The following B4GALT5 variants were observed in gnomAD, a reference collection of about 807,000 sequenced individuals.
The protein encoded by B4GALT5 is beta-1,4-galactosyltransferase 5.
In B4GALT5, 11 loss-of-function variants were observed where a neutral mutation model predicts 45.0. That is an observed-to-expected ratio of 0.24 (90% CI 0.15 to 0.40). B4GALT5 has a LOEUF of 0.40. B4GALT5 is among the 10% of genes least tolerant of loss of function. B4GALT5 has a pLI of 1.00. For missense variants in B4GALT5, 337 were observed against 500.2 expected, an observed-to-expected ratio of 0.67 and a Z score of 3.11; for synonymous variants, 185 against 182.9, an observed-to-expected ratio of 1.01 and a Z score of -0.09.
At chr20:49,637,494 A>AGCT in intron 7 of B4GALT5, 52 bp from the exon 8 acceptor site, 1 of 1,352,498 alleles carries the variant, frequency 7.4e-7, no homozygotes, top group Non-Finnish European at 1.1e-6. Context: ...ATAGCCCAGG[A>AGCT]GTGACCAAAG....
chr20:49,663,502 G>A (rs2085673589), intron 1 of B4GALT5, among the ~76,000 whole-genome samples: 1 of 150,438 alleles, frequency 6.6e-6, no homozygotes. Context: ...GGGTAGGACT[G>A]AGGCCTGAGT....
intron 7 of B4GALT5, among the ~76,000 whole-genome samples, chr20:49,638,127 T>A (rs2085561665): frequency 6.6e-6 from 1 of 151,644 alleles, no homozygotes; most frequent in African/African-American, 2.4e-5. Context: ...CAATTAGTCC[T>A]CCCATCTCAG....
chr20:49,642,433 A>T lies in B4GALT5; in HGVS notation c.606+35T>A. 3 of 1,494,968 alleles carry T rather than the reference A, an allele frequency of 2.0e-6. No individual in the cohort carries two copies. In the South Asian group the frequency reaches 3.5e-5, roughly 17 times the overall value. 92.6% of individuals were successfully genotyped at this position (1,494,968 alleles called of 1,614,324 possible). A position where few individuals can be genotyped will look rare whatever the true frequency, so the allele number is the denominator to read the frequency against. The stretch of plus-strand genomic sequence containing the variant: ...CAGCAACCTAAACTGCTGTCTCAGA[A>T]GAGAAAAAAGAAAGGAAAAGAAAGG... On this transcript the variant is annotated intron_variant, in intron 5 of 8. Coordinates refer to ENST00000371711, the MANE Select transcript of B4GALT5 (RefSeq NM_004776.4).
intron 1 of B4GALT5, among the ~76,000 whole-genome samples, chr20:49,674,518 G>C (rs2085729555): frequency 6.6e-6 from 1 of 151,894 alleles, no homozygotes; most frequent in African/African-American, 2.4e-5. Context: ...AAAATCCCAG[G>C]AATTAGTAAC....
intron 1 of B4GALT5, 29 bp from the exon 2 acceptor site, chr20:49,656,731 G>T (rs761639888): frequency 6.2e-7 from 1 of 1,613,688 alleles, no homozygotes; most frequent in Non-Finnish European, 8.5e-7. Context: ...GGAAAAAGAG[G>T]TGGATTCAGA....
intron 2 of B4GALT5, among the ~76,000 whole-genome samples, chr20:49,647,501 C>T (rs975586761): frequency 1.3e-5 from 2 of 152,112 alleles, no homozygotes; most frequent in Admixed American, 6.6e-5. Flanking sequence ...TCTTACCTAC[C>T]GACCTCCCAC....
chr20:49,681,517 C>T (rs910740307), intron 1 of B4GALT5, among the ~76,000 whole-genome samples: 19 of 152,174 alleles, frequency 1.2e-4, no homozygotes, highest in African/African-American at 4.1e-4. Context: ...TTGCTGGACA[C>T]TCCCAAATCC....
At chr20:49,697,015 C>T (rs997434752) in intron 1 of B4GALT5, among the ~76,000 whole-genome samples, 2 of 152,166 alleles carry the variant, frequency 1.3e-5, no homozygotes, top group Non-Finnish European at 2.9e-5. Context: ...AAAATTAGAT[C>T]GATGTTGTTT....
At chr20:49,665,440 GTAA>G (rs71339446) in intron 1 of B4GALT5, among the ~76,000 whole-genome samples, 29,724 of 94,342 alleles carry the variant, frequency 0.32, 5,251 homozygotes, top group Middle Eastern at 0.38. Context: ...GGGGGTAGTA[GTAA>G]TAATAATAAT....
At chr20:49,639,509 G>GT (rs1401830656) in intron 7 of B4GALT5, among the ~76,000 whole-genome samples, 169 bp downstream of exon 7, 2 of 152,074 alleles carry the variant, frequency 1.3e-5, no homozygotes, top group African/African-American at 2.4e-5. Flanking sequence ...GATTACAGGT[G>GT]TGAGCCATCA....
intron 1 of B4GALT5, among the ~76,000 whole-genome samples, chr20:49,688,841 G>A (rs1016232059): frequency 4.6e-5 from 7 of 151,540 alleles, no homozygotes; most frequent in Admixed American, 2.6e-4. Flanking sequence ...GGAGGCTGAG[G>A]CAGGAGAATT....
At chr20:49,664,275 G>A (rs2085679325) in intron 1 of B4GALT5, among the ~76,000 whole-genome samples, 1 of 152,098 alleles carries the variant, frequency 6.6e-6, no homozygotes, top group South Asian at 2.1e-4. Context: ...TTGGAGTGCA[G>A]TGGCATGAAC....
Position 49,708,789 on chromosome 20 carries a change from G to A in B4GALT5, c.115+4787C>T, listed in dbSNP as rs1362216522. Among the ~76,000 whole-genome samples, 10 of 151,966 alleles carry A rather than the reference G, an allele frequency of 6.6e-5. No individual in the cohort carries two copies. The South Asian group carries it at 1.5e-3, about 22-fold the overall frequency. ...GGTGAAACCCCATCAAAAATTAGCC[G>A]GGTGTGGTGGCAGGTGCCCGTAATC... On this transcript the variant is annotated intron_variant, in intron 1 of 8. Transcript: ENST00000371711.
chr20:49,639,691 C>T lies in B4GALT5; in HGVS notation c.904G>A (p.Asp302Asn). ...AFWGWGGEDD[D>N]LWNRVQNAGY... ...CGGCAGAGGTACCTGTTCCAGAGGT[C>T]GTCATCTTCTCCACCCCAACCCCAG... is the stretch of plus-strand genomic sequence containing the variant. The change falls in exon 7 of 9, where the codon GAC becomes AAC. Residue 302 changes from aspartate to asparagine, a missense_variant. By Grantham distance (23) the Asp-to-Asn change is conservative. This residue lies in a region of B4GALT5 where 163 missense variants were observed against 292.8 expected (regional missense o/e 0.56). Transcript: ENST00000371711. The T allele has an allele frequency of 6.2e-7, 1 of 1,613,476 alleles. No individual in the cohort carries two copies.
intron 1 of B4GALT5, among the ~76,000 whole-genome samples, chr20:49,706,754 G>A (rs764499346): frequency 2.6e-5 from 4 of 152,106 alleles, no homozygotes; most frequent in African/African-American, 4.8e-5. Context: ...GTTTGTCTTA[G>A]CCAGTGGTAA....
At position 49,636,051 on chromosome 20, in the gene B4GALT5, C is replaced by T. The variant is rs565751074; in HGVS notation, c.*261G>A. On this transcript the variant is annotated 3_prime_UTR_variant, in exon 9 of 9. Coordinates refer to ENST00000371711, the MANE Select transcript of B4GALT5 (RefSeq NM_004776.4). ...GGGGTAGGAGATGGGGAGAGAGCAGCGGGACAGACGTCTGTCTTGTGAAAA... is the reference window on the plus strand; with the variant it reads ...GGGGTAGGAGATGGGGAGAGAGCAGTGGGACAGACGTCTGTCTTGTGAAAA... 45 of 453,210 alleles carry T rather than the reference C, an allele frequency of 9.9e-5. No individual in the cohort carries two copies. The highest frequency in any genetic ancestry group is 3.6e-4 in the Admixed American group (10 of 28,124). The allele number at this position is 453,210 out of a possible 1,614,324, so 28.1% of individuals were successfully genotyped here.
At chr20:49,651,924 C>T (rs2085624421) in intron 2 of B4GALT5, among the ~76,000 whole-genome samples, 2 of 151,598 alleles carry the variant, frequency 1.3e-5, no homozygotes, top group Non-Finnish European at 2.9e-5. Flanking sequence ...ACTAAAAATA[C>T]AAAAATTAGC....
intron 1 of B4GALT5, among the ~76,000 whole-genome samples, chr20:49,689,368 G>C (rs1403404811): frequency 1.3e-5 from 2 of 152,200 alleles, no homozygotes; most frequent in African/African-American, 4.8e-5. Context: ...CACGGGAGTG[G>C]TGTGATTCAA....
chr20:49,659,828 G>A (rs1186456966), intron 1 of B4GALT5, among the ~76,000 whole-genome samples: 1 of 132,648 alleles, frequency 7.5e-6, no homozygotes, highest in East Asian at 2.1e-4. Context: ...TTTTTTTTTT[G>A]AGACAGAGTC....
Sources: allele counts gnomAD v4.1 joint callset (sites outside exome capture counted in the v4.1 genomes callset), GRCh38; gene constraint gnomAD v4.1.1; regional missense constraint gnomAD v4.1.1; transcripts MANE v1.5; gene names NCBI Gene and HGNC (gene_info 2026-07-23, HGNC 2026-07-21).